TGFBR2: variants seen among roughly 807,000 people sequenced by gnomAD.
The protein encoded by TGFBR2 is TGF-beta receptor type-2.
Under a neutral mutation model 49.0 loss-of-function variants are expected in TGFBR2, and 18 were observed. The ratio of observed to expected loss-of-function variants is 0.37; its 90% CI spans 0.25 to 0.54. TGFBR2 has a LOEUF of 0.54. TGFBR2 is among the 20% of genes least tolerant of loss of function. The pLI is 0.85. For missense variants in TGFBR2, 525 were observed against 722.6 expected (o/e 0.73, Z 3.13); for synonymous variants, 282 against 275.9 (o/e 1.02, Z -0.22).
chr3:30,671,950 C>CT lies in TGFBR2; in HGVS notation c.768dup (p.Glu257Ter). 1 of 1,614,158 alleles carries CT rather than the reference C, an allele frequency of 6.2e-7. No homozygotes were observed. Among genetic ancestry groups the CT allele is most frequent in the Non-Finnish European group, 8.5e-7 (1 of 1,180,022 alleles). On this transcript the variant is annotated frameshift_variant, in exon 4 of 7. Transcript: ENST00000295754. LOFTEE classifies it high-confidence loss of function. ...ACCCTGGTGGGGAAAGGTCGCTTTG[C>CT]TGAGGTCTATAAGGCCAAGCTGAAG...
At chr3:30,625,069 TA>T (rs1698307213) in intron 1 of TGFBR2, among the ~76,000 whole-genome samples, 1 of 152,260 alleles carries the variant, frequency 6.6e-6, no homozygotes, top group Non-Finnish European at 1.5e-5. Context: ...TCTGGAATAA[TA>T]CCTTTTATAT....
intron 2 of TGFBR2, among the ~76,000 whole-genome samples, chr3:30,646,947 C>G (rs768984877): frequency 6.6e-6 from 1 of 152,182 alleles, no homozygotes; most frequent in Non-Finnish European, 1.5e-5. Flanking sequence ...CCTGTCTTTT[C>G]TGTGTCCCAG....
At chr3:30,632,647 A>G (rs984923205) in intron 1 of TGFBR2, among the ~76,000 whole-genome samples, 2 of 152,152 alleles carry the variant, frequency 1.3e-5, no homozygotes, top group Non-Finnish European at 2.9e-5. Flanking sequence ...TGTTTCCTGC[A>G]ATTTTCTTTG....
At chr3:30,617,398 A>ATGTCCTTCAG (rs1419903533) in intron 1 of TGFBR2, among the ~76,000 whole-genome samples, 3 of 152,182 alleles carry the variant, frequency 2.0e-5, no homozygotes, top group African/African-American at 4.8e-5. Flanking sequence ...AGACAATATG[A>ATGTCCTTCAG]TATAATTTGT....
intron 1 of TGFBR2, among the ~76,000 whole-genome samples, chr3:30,635,544 C>G (rs1698511636): frequency 6.6e-6 from 1 of 152,158 alleles, no homozygotes; most frequent in Non-Finnish European, 1.5e-5. Context: ...ATGTTTGTCA[C>G]TGGAGAAAGC....
chr3:30,641,602 T>C (rs1344949020), intron 1 of TGFBR2, among the ~76,000 whole-genome samples: 1 of 152,220 alleles, frequency 6.6e-6, no homozygotes, highest in East Asian at 1.9e-4. Context: ...GCTGGGTTCT[T>C]GTGAAGTAAT....
At chr3:30,612,327 T>G (rs1441575497) in intron 1 of TGFBR2, among the ~76,000 whole-genome samples, 1 of 152,000 alleles carries the variant, frequency 6.6e-6, no homozygotes, top group Non-Finnish European at 1.5e-5. Context: ...CATGTATGAG[T>G]GTGTGGCCCA....
rs577560119 is a variant in TGFBR2, at chr3:30,688,219, C to T, written c.1397-165C>T. 5.3e-4 allele frequency among the ~76,000 whole-genome samples: 81 copies of T among 152,350 alleles called. 1 individual carries two copies. The highest frequency in any genetic ancestry group is 2.1e-4 in the Non-Finnish European group (14 of 68,040). ...TCTAGCCCTTCCCCAACCACTCCTT[C>T]CTTCTTATCTTAGCCATTATTATTA... On this transcript the variant is annotated intron_variant, in intron 5 of 6. Transcript: ENST00000295754.
chr3:30,691,921 A>C lies in TGFBR2; in HGVS notation c.*322A>C, dbSNP rs1382273221. On this transcript the variant is annotated 3_prime_UTR_variant, in exon 7 of 7. Coordinates refer to ENST00000295754, the MANE Select transcript of TGFBR2 (RefSeq NM_003242.6). ...GAATAGCTATGTTTTATATATATAT[A>C]TATATATCTATATATGTCTATAGCT... 5 of 230,108 alleles carry C rather than the reference A, an allele frequency of 2.2e-5. No homozygotes were observed. The highest frequency in any genetic ancestry group is 1.3e-4 in the South Asian group (1 of 7,508). 14.3% of individuals were successfully genotyped at this position (230,108 alleles called of 1,614,324 possible). A position where few individuals can be genotyped will look rare whatever the true frequency, so the allele number is the denominator to read the frequency against.
chr3:30,648,938 A>G (rs1359349952), intron 2 of TGFBR2, among the ~76,000 whole-genome samples: 1 of 152,112 alleles, frequency 6.6e-6, no homozygotes, highest in African/African-American at 2.4e-5. Context: ...TCTCATGGGG[A>G]TGGCCCCGCA....
chr3:30,675,113 T>G (rs1043664006), intron 5 of TGFBR2, among the ~76,000 whole-genome samples: 1 of 152,204 alleles, frequency 6.6e-6, no homozygotes, highest in Non-Finnish European at 1.5e-5. Flanking sequence ...AGTTGAGGTC[T>G]ACATTACTAT....
rs149847376 is a variant in TGFBR2, at chr3:30,691,442, C to T, written c.1547C>T (p.Thr516Met). 14 of 1,613,882 alleles carry T rather than the reference C, an allele frequency of 8.7e-6. No homozygotes were observed. In the Admixed American group the frequency reaches 1.2e-4, roughly 13 times the overall value. Residue 516 changes from threonine (T) to methionine (M), a missense_variant, in exon 7 of 7, where the codon ACG becomes ATG. Coordinates refer to ENST00000295754, the MANE Select transcript of TGFBR2 (RefSeq NM_003242.6). Reference protein sequence around the residue: ...NHQGIQMVCETLTECWDHDPE... With the variant: ...NHQGIQMVCEMLTECWDHDPE... ...CAGGGCATCCAGATGGTGTGTGAGA[C>T]GTTGACTGAGTGCTGGGACCACGAC...
intron 3 of TGFBR2, among the ~76,000 whole-genome samples, chr3:30,669,121 C>CAAAAAAAAAAAAAAAAAAAAAAAA (rs56069409): frequency 1.2e-4 from 10 of 83,464 alleles, no homozygotes; most frequent in African/African-American, 5.5e-4. Context: ...ACTAAAAATA[C>CAAAAAAAAAAAAAAAAAAAAAAAA]AAAAAAAAAA....
intron 1 of TGFBR2, among the ~76,000 whole-genome samples, chr3:30,632,568 G>A (rs1698457787): frequency 6.6e-6 from 1 of 152,166 alleles, no homozygotes; most frequent in Non-Finnish European, 1.5e-5. Flanking sequence ...TTTTTTAGAA[G>A]TCATCAAACT....
At chr3:30,663,363 GT>G (rs1165943108) in intron 3 of TGFBR2, among the ~76,000 whole-genome samples, 1 of 151,956 alleles carries the variant, frequency 6.6e-6, no homozygotes, top group Non-Finnish European at 1.5e-5. Flanking sequence ...TCTACAGTGT[GT>G]TTTTTTGGTT....
intron 5 of TGFBR2, among the ~76,000 whole-genome samples, chr3:30,675,327 C>T (rs1349843215): frequency 1.3e-5 from 2 of 151,818 alleles, no homozygotes; most frequent in Non-Finnish European, 2.9e-5. Context: ...TTAGGTCTCA[C>T]CTGAGAAATC....
chr3:30,631,339 C>T (rs376705956), intron 1 of TGFBR2, among the ~76,000 whole-genome samples: 13 of 152,154 alleles, frequency 8.5e-5, no homozygotes, highest in South Asian at 6.2e-4. Flanking sequence ...CGTGCCAGGC[C>T]GGGAGTAGAT....
At chr3:30,681,392 G>C (rs1699538449) in intron 5 of TGFBR2, among the ~76,000 whole-genome samples, 1 of 152,144 alleles carries the variant, frequency 6.6e-6, no homozygotes, top group East Asian at 1.9e-4. Context: ...TGTTACATTG[G>C]GACTACAGTC....
At position 30,607,799 on chromosome 3, in the gene TGFBR2, A is replaced by AAAATATAT. The variant is rs1367214755; in HGVS notation, c.94+823_94+824insAATATATA. On this transcript the variant is annotated intron_variant, in intron 1 of 6. Transcript: ENST00000295754. ...TTTAAGGAAAAAATAAAAATAAAAAAATATATATATATATTATATATATAT... is the reference window on the plus strand; with the variant it reads ...TTTAAGGAAAAAATAAAAATAAAAAAAAATATATATATATATATATATTATATATATAT... Among the ~76,000 whole-genome samples, 222 of 138,296 alleles carry AAAATATAT rather than the reference A, an allele frequency of 1.6e-3. 1 individual carries two copies. Among genetic ancestry groups the AAAATATAT allele is most frequent in the South Asian group, 7.3e-3 (31 of 4,274 alleles). 90.7% of individuals were successfully genotyped at this position (138,296 alleles called of 152,430 possible). A position where few individuals can be genotyped will look rare whatever the true frequency, so the allele number is the denominator to read the frequency against.
Sources: allele counts gnomAD v4.1 joint callset (sites outside exome capture counted in the v4.1 genomes callset), GRCh38; gene constraint gnomAD v4.1.1; transcripts MANE v1.5; gene names NCBI Gene and HGNC (gene_info 2026-07-23, HGNC 2026-07-21).